Variants in MARK4 observed in about 807,000 individuals in gnomAD.
The protein encoded by MARK4 is MAP/microtubule affinity-regulating kinase 4.
Under a neutral mutation model 81.5 loss-of-function variants are expected in MARK4, and 19 were observed. That is an observed-to-expected ratio of 0.23 (90% CI 0.16 to 0.34). MARK4 has a LOEUF of 0.34. Among genes scored for constraint, MARK4 ranks in the 10% least tolerant of loss-of-function variants. The pLI is 1.00. For missense variants in MARK4, 772 were observed against 1,058.8 expected (o/e 0.73, Z 3.76); for synonymous variants, 436 against 439.0 (o/e 0.99, Z 0.08).
chr19:45,269,095 G>C (rs1351084094), intron 7 of MARK4, among the ~76,000 whole-genome samples: 2 of 152,180 alleles, frequency 1.3e-5, no homozygotes, highest in Non-Finnish European at 2.9e-5. Context: ...TGTAATCCCT[G>C]GCCTGGCGTG....
rs34473699 is a variant in MARK4, at chr19:45,302,904, CG to C, written c.*200del. 0.22 allele frequency: 196,528 copies of C among 888,572 alleles called. 26,179 individuals carry two copies. Among genetic ancestry groups the C allele is most frequent in the South Asian group, 0.26 (14,658 of 55,716 alleles). The allele number at this position is 888,572 out of a possible 1,614,324, so 55.0% of individuals were successfully genotyped here. A position where few individuals can be genotyped will look rare whatever the true frequency, so the allele number is the denominator to read the frequency against. On this transcript the variant is annotated 3_prime_UTR_variant, in exon 17 of 17. Transcript: ENST00000262891. This position sits in a 1 kb window ranked among gnomAD's most constrained non-coding sequence, Gnocchi z 4.9. Reference sequence around the variant, plus strand: ...ACAGAAGAAGGATGAGGGGGCTCAGCGGGGGGAGCTGGCACCTTCCTGGAGC... The same window carrying C: ...ACAGAAGAAGGATGAGGGGGCTCAGCGGGGGAGCTGGCACCTTCCTGGAGC...
chr19:45,302,258 TG>T lies in MARK4; in HGVS notation c.1923-115del, dbSNP rs1970985068. On this transcript the variant is annotated intron_variant, in intron 16 of 16. Transcript: ENST00000262891. The surrounding 1 kb of genome is among the most constrained non-coding windows in gnomAD (Gnocchi z 4.9). ...CTGTCGCTGGGGTAACAGGGGAAGATGTTTTTTGAGGGGATGGCTAGGAATG... is the reference window on the plus strand; with the variant it reads ...CTGTCGCTGGGGTAACAGGGGAAGATTTTTTTGAGGGGATGGCTAGGAATG... 3 of 1,558,982 alleles carry T rather than the reference TG, an allele frequency of 1.9e-6. No homozygotes were observed. The highest frequency in any genetic ancestry group is 1.7e-4 in the Middle Eastern group (1 of 5,830).
chr19:45,251,651 C>T lies in MARK4; in HGVS notation c.51+12C>T. 2 of 1,485,136 alleles carry T rather than the reference C, an allele frequency of 1.3e-6. No individual in the cohort carries two copies. Among genetic ancestry groups the T allele is most frequent in the East Asian group, 3.0e-5 (1 of 33,376 alleles). 92.0% of individuals were successfully genotyped at this position (1,485,136 alleles called of 1,614,324 possible). A position where few individuals can be genotyped will look rare whatever the true frequency, so the allele number is the denominator to read the frequency against. On this transcript the variant is annotated intron_variant, in intron 1 of 16. Transcript: ENST00000262891. ...GGAACTCGGACACGGTGAGTGGGGC[C>T]CGGCCCCTTGGGGAGCCCTGGCTGG... is the stretch of plus-strand genomic sequence containing the variant.
chr19:45,272,303 A>G (rs777700777), intron 8 of MARK4, among the ~76,000 whole-genome samples: 11 of 152,004 alleles, frequency 7.2e-5, no homozygotes, highest in Non-Finnish European at 1.0e-4. Flanking sequence ...CTGCACTCCA[A>G]CCTGGGTGAC....
chr19:45,270,505 GA>G (rs1282540923), intron 7 of MARK4, among the ~76,000 whole-genome samples: 1 of 152,160 alleles, frequency 6.6e-6, no homozygotes, highest in Non-Finnish European at 1.5e-5. Flanking sequence ...GAGGCTCCAA[GA>G]GGGGCAGGAG....
At chr19:45,283,180 C>T (rs550901546) in intron 12 of MARK4, among the ~76,000 whole-genome samples, 1 of 152,052 alleles carries the variant, frequency 6.6e-6, no homozygotes, top group South Asian at 2.1e-4. Flanking sequence ...GAGACTGAGG[C>T]AGGCAGATCA....
chr19:45,275,986 G>T (rs375823980), intron 8 of MARK4, among the ~76,000 whole-genome samples: 133 of 152,152 alleles, frequency 8.7e-4, no homozygotes, highest in African/African-American at 2.6e-3. Context: ...CACCCCCAAC[G>T]CTCAATTCAT....
At chr19:45,267,848 A>G (rs1209327334) in intron 7 of MARK4, among the ~76,000 whole-genome samples, 1 of 151,974 alleles carries the variant, frequency 6.6e-6, no homozygotes, top group African/African-American at 2.4e-5. Flanking sequence ...TTTTGTAGAC[A>G]AGGGATCTCA....
At position 45,302,255 on chromosome 19, in the gene MARK4, A is replaced by G; in HGVS notation, c.1923-119A>G. The G allele has an allele frequency of 6.4e-7, 1 of 1,556,340 alleles. No homozygotes were observed. The stretch of plus-strand genomic sequence containing the variant: ...AAACTGTCGCTGGGGTAACAGGGGA[A>G]GATGTTTTTTGAGGGGATGGCTAGG... On this transcript the variant is annotated intron_variant, in intron 16 of 16. Transcript: ENST00000262891. The surrounding 1 kb of genome is among the most constrained non-coding windows in gnomAD (Gnocchi z 4.9).
At chr19:45,298,892 G>A (rs142696861) in intron 15 of MARK4, among the ~76,000 whole-genome samples, 26 of 151,932 alleles carry the variant, frequency 1.7e-4, no homozygotes, top group South Asian at 8.3e-4. Flanking sequence ...CCTGGACAAC[G>A]TAGCAAGATC....
chr19:45,273,138 T>C (rs1181856465), intron 8 of MARK4, among the ~76,000 whole-genome samples: 1 of 151,888 alleles, frequency 6.6e-6, no homozygotes, highest in East Asian at 1.9e-4. Flanking sequence ...GCTTGCTTTT[T>C]TTTTTTCCCC....
chr19:45,302,315 G>C lies in MARK4; in HGVS notation c.1923-59G>C. 6.2e-7 allele frequency: 1 copy of C among 1,611,112 alleles called. No homozygotes were observed. Among genetic ancestry groups the C allele is most frequent in the Non-Finnish European group, 8.5e-7 (1 of 1,178,216 alleles). On this transcript the variant is annotated intron_variant, in intron 16 of 16. Transcript: ENST00000262891. The surrounding 1 kb of genome is among the most constrained non-coding windows in gnomAD (Gnocchi z 4.9). ...CGAATTGGGAAGAGTTGTCCCTTCA[G>C]CCCTCCACCACATTCCTCTTCGCTC...
rs754908674 is a variant in MARK4 at position 45,299,806 on chromosome 19, C to G, written c.1878-5C>G. On this transcript the variant is annotated splice_polypyrimidine_tract_variant and splice_region_variant and intron_variant, in intron 15 of 16. Transcript: ENST00000262891. ...TAGACACTCTGTCCCCCTCCCCTCC[C>G]CTAGGGTCGCAGACGAACCTGAGAG... The G allele has an allele frequency of 6.2e-7, 1 of 1,601,958 alleles. No individual in the cohort carries two copies. Among genetic ancestry groups the G allele is most frequent in the East Asian group, 2.3e-5 (1 of 44,186 alleles).
chr19:45,287,754 C>A (rs1970765144), intron 13 of MARK4, 90 bp downstream of exon 13: 1 of 1,396,340 alleles, frequency 7.2e-7, no homozygotes, highest in Non-Finnish European at 9.9e-7. Context: ...CCAGACGGAA[C>A]TCCTTCTTAC....
At chr19:45,267,240 T>G in intron 7 of MARK4, among the ~76,000 whole-genome samples, 1 of 152,082 alleles carries the variant, frequency 6.6e-6, no homozygotes, top group Non-Finnish European at 1.5e-5. Context: ...GTATTTTTAG[T>G]AGAGACGGAG....
At chr19:45,277,121 G>A (rs1970608164) in intron 8 of MARK4, among the ~76,000 whole-genome samples, 1 of 151,936 alleles carries the variant, frequency 6.6e-6, no homozygotes, top group Non-Finnish European at 1.5e-5. Flanking sequence ...TGTCACCCAG[G>A]CTGGAGTGCA....
intron 15 of MARK4, among the ~76,000 whole-genome samples, chr19:45,299,171 C>T (rs1051350579): frequency 3.3e-5 from 5 of 150,796 alleles, no homozygotes; most frequent in Admixed American, 2.6e-4. Flanking sequence ...TGAGGTGGCT[C>T]AGGCCAGCAA....
At position 45,280,472 on chromosome 19, in the gene MARK4, A is replaced by G. The variant is rs778215022; in HGVS notation, c.1105A>G (p.Arg369Gly). The change falls in exon 11 of 17, where the codon AGG (arginine) becomes GGG (glycine). Residue 369 changes from arginine (R) to glycine (G), a missense_variant. This residue lies in a region of MARK4 where 548 missense variants were observed against 624.3 expected (regional missense o/e 0.88). Coordinates refer to ENST00000262891, the MANE Select transcript of MARK4 (RefSeq NM_001199867.2). ...EVTATYLLLGRKTEEGGDRGA... is the reference protein window; with the variant it reads ...EVTATYLLLGGKTEEGGDRGA... ...GACCGCCACCTACCTCCTGCTGGGC[A>G]GGAAGACTGAGGTCAGGGGGCGCCA... 1.9e-6 allele frequency: 3 copies of G among 1,614,190 alleles called. No individual in the cohort carries two copies. In the Admixed American group the frequency reaches 5.0e-5, roughly 27 times the overall value.
At chr19:45,254,534 C>T (rs1277237778) in intron 1 of MARK4, among the ~76,000 whole-genome samples, 1 of 152,234 alleles carries the variant, frequency 6.6e-6, no homozygotes, top group Non-Finnish European at 1.5e-5. Context: ...GGCCGGGGTT[C>T]GCATCCCAGC....
Sources: allele counts gnomAD v4.1 joint callset (sites outside exome capture counted in the v4.1 genomes callset), GRCh38; gene constraint gnomAD v4.1.1; regional missense constraint gnomAD v4.1.1; non-coding constraint Gnocchi (gnomAD v3.1); transcripts MANE v1.5; gene names NCBI Gene and HGNC (gene_info 2026-07-23, HGNC 2026-07-21).